GALNTL6: variants seen among roughly 807,000 people sequenced by gnomAD.
The protein encoded by GALNTL6 is polypeptide N-acetylgalactosaminyltransferase like 6, also known as polypeptide N-acetylgalactosaminyltransferase-like 6.
Under a neutral mutation model 73.7 loss-of-function variants are expected in GALNTL6, and 46 were observed. The ratio of observed to expected loss-of-function variants is 0.62; its 90% CI spans 0.49 to 0.80. The LOEUF (loss-of-function observed/expected upper bound fraction) is 0.80, where lower values mean the gene tolerates loss of function less well. GALNTL6 is among the 30% of genes least tolerant of loss of function. The pLI is 0.00. For missense variants in GALNTL6, 604 were observed against 755.0 expected, an observed-to-expected ratio of 0.80 and a Z score of 2.34; for synonymous variants, 259 against 263.7, an observed-to-expected ratio of 0.98 and a Z score of 0.17.
At chr4:171,988,353 G>A (rs1158354599) in intron 2 of GALNTL6, among the ~76,000 whole-genome samples, 2 of 152,222 alleles carry the variant, frequency 1.3e-5, no homozygotes, top group East Asian at 1.9e-4. Context: ...AGATGTGGAT[G>A]AAATTTGGGC....
At chr4:172,430,273 AG>A (rs1262366438) in intron 5 of GALNTL6, among the ~76,000 whole-genome samples, 4 of 151,944 alleles carry the variant, frequency 2.6e-5, no homozygotes, top group South Asian at 2.1e-4. Context: ...TGATGTGGAG[AG>A]GGGGGTAGGA....
intron 5 of GALNTL6, among the ~76,000 whole-genome samples, chr4:172,469,852 G>T (rs1052570283): frequency 1.3e-5 from 2 of 152,148 alleles, no homozygotes; most frequent in African/African-American, 2.4e-5. Flanking sequence ...GTACAGCAGT[G>T]ATATGAATAA....
intron 2 of GALNTL6, among the ~76,000 whole-genome samples, chr4:172,076,096 T>G (rs535830367): frequency 6.6e-6 from 1 of 152,338 alleles, no homozygotes; most frequent in South Asian, 2.1e-4. Flanking sequence ...CCAGGTTGTG[T>G]GTTTTTCCTC....
At chr4:172,393,617 C>T (rs1226659249) in intron 5 of GALNTL6, among the ~76,000 whole-genome samples, 2 of 152,136 alleles carry the variant, frequency 1.3e-5, no homozygotes, top group South Asian at 4.1e-4. Context: ...ACATAGCATA[C>T]GAAAATATTT....
In GALNTL6 at chr4:172,988,032, G is replaced by T. The variant is rs561101606; in HGVS notation, c.1372-21146G>T. On this transcript the variant is annotated intron_variant, in intron 10 of 12. Transcript: ENST00000506823. ...ACTGGGAGTGGGGCATTGCTATAAA[G>T]ATACCTGAAAATGTGGAAGCAGCTT... Among the ~76,000 whole-genome samples the T allele has an allele frequency of 4.6e-5, 7 of 152,288 alleles. No homozygotes were observed. The South Asian group carries it at 1.5e-3, about 32-fold the overall frequency.
chr4:172,798,057 G>A (rs76449670), intron 5 of GALNTL6, among the ~76,000 whole-genome samples: 2 of 152,188 alleles, frequency 1.3e-5, no homozygotes, highest in South Asian at 4.2e-4. Flanking sequence ...GGGTTTTACT[G>A]GGGGCCTGTG....
chr4:172,967,266 T>C (rs1750374069), intron 10 of GALNTL6, among the ~76,000 whole-genome samples: 1 of 152,238 alleles, frequency 6.6e-6, no homozygotes, highest in Non-Finnish European at 1.5e-5. Context: ...CTCTTTGTGT[T>C]GAGATTTTAT....
intron 5 of GALNTL6, among the ~76,000 whole-genome samples, chr4:172,581,368 G>A (rs112353572): frequency 5.7e-4 from 87 of 152,216 alleles, no homozygotes; most frequent in African/African-American, 2.0e-3. Context: ...TTCACTTATA[G>A]ACTCTCCTCT....
At chr4:171,882,898 G>GA (rs1736490888) in intron 2 of GALNTL6, among the ~76,000 whole-genome samples, 6 of 152,186 alleles carry the variant, frequency 3.9e-5, no homozygotes, top group African/African-American at 1.2e-4. Context: ...TCCAGGAATA[G>GA]TATGTGACAT....
chr4:173,026,105 A>T (rs1025111599), intron 12 of GALNTL6, among the ~76,000 whole-genome samples: 1 of 152,206 alleles, frequency 6.6e-6, no homozygotes, highest in African/African-American at 2.4e-5. Flanking sequence ...AGATTATAGC[A>T]TATGTCTTAA....
chr4:172,571,542 A>T (rs1241783569), intron 5 of GALNTL6, among the ~76,000 whole-genome samples: 1 of 152,174 alleles, frequency 6.6e-6, no homozygotes, highest in Non-Finnish European at 1.5e-5. Flanking sequence ...GAAGGCAGAG[A>T]CACTATCGAA....
intron 2 of GALNTL6, among the ~76,000 whole-genome samples, chr4:172,197,593 A>C (rs1735814535): frequency 6.6e-6 from 1 of 152,192 alleles, no homozygotes; most frequent in Non-Finnish European, 1.5e-5. Flanking sequence ...AAATAGACAC[A>C]TAGACCAGTG....
rs1553986843 is a variant in GALNTL6, at chr4:172,770,294, A to AATAAATAAATAT, written c.554-39059_554-39058insATATATAAATAA. Among the ~76,000 whole-genome samples, 19 of 151,308 alleles carry AATAAATAAATAT rather than the reference A, an allele frequency of 1.3e-4. No individual in the cohort carries two copies. In the East Asian group the frequency reaches 3.7e-3, roughly 29 times the overall value. ...AAATAAATAAATAAATAAATAAATA[A>AATAAATAAATAT]ATAAATAAGCTTTTATAGATAAAAT... is the stretch of plus-strand genomic sequence containing the variant. On this transcript the variant is annotated intron_variant, in intron 5 of 12. Coordinates refer to ENST00000506823, the MANE Select transcript of GALNTL6 (RefSeq NM_001034845.3).
At chr4:172,739,327 C>A (rs1424044182) in intron 5 of GALNTL6, among the ~76,000 whole-genome samples, 1 of 152,154 alleles carries the variant, frequency 6.6e-6, no homozygotes, top group Non-Finnish European at 1.5e-5. Flanking sequence ...TTAGAACTCA[C>A]TGTGAAACCT....
At chr4:172,151,980 A>G (rs1734103574) in intron 2 of GALNTL6, among the ~76,000 whole-genome samples, 2 of 122,238 alleles carry the variant, frequency 1.6e-5, no homozygotes, top group South Asian at 2.6e-4. Context: ...CTATCTATCT[A>G]TCTATCTATG....
At chr4:172,087,427 AG>A (rs1364484732) in intron 2 of GALNTL6, among the ~76,000 whole-genome samples, 1 of 145,606 alleles carries the variant, frequency 6.9e-6, no homozygotes, top group East Asian at 2.0e-4. Context: ...CCTGGGCAAC[AG>A]AGTTAGACTC....
intron 5 of GALNTL6, among the ~76,000 whole-genome samples, chr4:172,623,135 T>C (rs940758602): frequency 1.3e-5 from 2 of 152,138 alleles, no homozygotes; most frequent in Non-Finnish European, 2.9e-5. Context: ...TAAATCCTTA[T>C]CCTTTATTGT....
At chr4:172,826,145 A>G (rs959538685) in intron 7 of GALNTL6, among the ~76,000 whole-genome samples, 1 of 152,062 alleles carries the variant, frequency 6.6e-6, no homozygotes, top group African/African-American at 2.4e-5. Context: ...CCAGGACAAG[A>G]GTGCAAATGA....
At chr4:171,892,610 G>T (rs1736794445) in intron 2 of GALNTL6, among the ~76,000 whole-genome samples, 2 of 152,120 alleles carry the variant, frequency 1.3e-5, no homozygotes, top group South Asian at 4.1e-4. Flanking sequence ...TATCTAGGCT[G>T]AAGTGCAGTG....
Sources: allele counts gnomAD v4.1 joint callset (sites outside exome capture counted in the v4.1 genomes callset), GRCh38; gene constraint gnomAD v4.1.1; transcripts MANE v1.5; gene names NCBI Gene and HGNC (gene_info 2026-07-23, HGNC 2026-07-21).